The following CTDSPL variants were observed in gnomAD, a reference collection of about 807,000 sequenced individuals.
CTDSPL encodes CTD small phosphatase like.
In CTDSPL, 8 loss-of-function variants were observed where a neutral mutation model predicts 30.5. The observed-to-expected ratio is 0.26, with a 90% CI of 0.15 to 0.47. The LOEUF (loss-of-function observed/expected upper bound fraction) is 0.47, where lower values mean the gene tolerates loss of function less well. Ranked by LOEUF, CTDSPL falls within the 20% of genes least tolerant of loss-of-function variation. The pLI is 0.99. For synonymous variants in CTDSPL, 110 were observed against 137.9 expected, an observed-to-expected ratio of 0.80 and a Z score of 1.42; for missense variants, 248 against 366.1, an observed-to-expected ratio of 0.68 and a Z score of 2.63.
chr3:37,956,528 C>T (rs1244680050), intron 2 of CTDSPL, among the ~76,000 whole-genome samples: 4 of 152,160 alleles, frequency 2.6e-5, no homozygotes, highest in Non-Finnish European at 4.4e-5. Flanking sequence ...CCTAGGTTTT[C>T]TTAACACTCC....
chr3:37,911,628 A>G (rs1250966324), intron 1 of CTDSPL: 1 of 453,268 alleles, frequency 2.2e-6, no homozygotes, highest in Admixed American at 2.4e-5. Context: ...TTTGTTGGAG[A>G]AAAATGTTTG....
intron 3 of CTDSPL, among the ~76,000 whole-genome samples, chr3:37,963,517 CTTTTG>C (rs1699265768): frequency 1.3e-5 from 2 of 152,114 alleles, no homozygotes; most frequent in African/African-American, 4.8e-5. Flanking sequence ...TAGATATTTC[CTTTTG>C]TTTTGTATCA....
Position 37,982,942 on chromosome 3 carries a change from G to T in CTDSPL, c.*2075G>T. On this transcript the variant is annotated 3_prime_UTR_variant, in exon 8 of 8. Transcript: ENST00000273179. ...CCATGCCCCCTTCGTTGGCATCACA[G>T]GGCCTTATTTGGAAGAGCGGGCAAA... 1.0e-5 allele frequency: 2 copies of T among 199,098 alleles called. No homozygotes were observed. The highest frequency in any genetic ancestry group is 1.3e-4 in the East Asian group (1 of 7,416). 12.3% of individuals were successfully genotyped at this position (199,098 alleles called of 1,614,324 possible). A position where few individuals can be genotyped will look rare whatever the true frequency, so the allele number is the denominator to read the frequency against.
intron 1 of CTDSPL, among the ~76,000 whole-genome samples, chr3:37,946,546 A>G (rs941440808): frequency 1.3e-5 from 2 of 152,106 alleles, no homozygotes; most frequent in Non-Finnish European, 2.9e-5. Context: ...TACATATCTC[A>G]TTTCTTAACC....
In CTDSPL at chr3:37,981,755, A is replaced by G. The variant is rs577769078; in HGVS notation, c.*888A>G. Reference sequence around the variant, plus strand: ...GTTATTGTTTGGGTAGAGCAGTTACAAGAAACCCTAAAACCCTTGGATATA... The same window carrying G: ...GTTATTGTTTGGGTAGAGCAGTTACGAGAAACCCTAAAACCCTTGGATATA... On this transcript the variant is annotated 3_prime_UTR_variant, in exon 8 of 8. Coordinates refer to ENST00000273179, the MANE Select transcript of CTDSPL (RefSeq NM_001008392.2). 6.7e-6 allele frequency: 3 copies of G among 449,964 alleles called. No homozygotes were observed. Among genetic ancestry groups the G allele is most frequent in the Admixed American group, 4.8e-5 (2 of 42,100 alleles). 27.9% of individuals were successfully genotyped at this position (449,964 alleles called of 1,614,324 possible).
chr3:37,907,063 A>G (rs1414596474), intron 1 of CTDSPL, among the ~76,000 whole-genome samples: 1 of 152,220 alleles, frequency 6.6e-6, no homozygotes, highest in Non-Finnish European at 1.5e-5. Flanking sequence ...TGTCCCTGCC[A>G]AAAACCCCCA....
At chr3:37,910,996 T>C (rs1283290106) in intron 1 of CTDSPL, among the ~76,000 whole-genome samples, 2 of 152,364 alleles carry the variant, frequency 1.3e-5, no homozygotes, top group Non-Finnish European at 2.9e-5. Context: ...TTTATGACTG[T>C]AAATGGATTT....
intron 1 of CTDSPL, among the ~76,000 whole-genome samples, chr3:37,913,171 T>C (rs1698602843): frequency 1.3e-5 from 2 of 151,926 alleles, no homozygotes; most frequent in East Asian, 3.9e-4. Flanking sequence ...AACGCGTAAA[T>C]TAGCCAGGTG....
chr3:37,944,001 G>C (rs77558910), intron 1 of CTDSPL, among the ~76,000 whole-genome samples: 1 of 150,262 alleles, frequency 6.7e-6, no homozygotes, highest in Admixed American at 6.7e-5. Context: ...CTTCTGCAAG[G>C]CTGAGAACAC....
intron 1 of CTDSPL, among the ~76,000 whole-genome samples, chr3:37,944,169 T>C (rs1559640452): frequency 6.7e-6 from 1 of 150,244 alleles, no homozygotes; most frequent in Non-Finnish European, 1.5e-5. Context: ...ATTAGAGCAA[T>C]ACATAATTAC....
chr3:37,909,006 G>A (rs956320700), intron 1 of CTDSPL, among the ~76,000 whole-genome samples: 1 of 152,028 alleles, frequency 6.6e-6, no homozygotes, highest in Admixed American at 6.6e-5. Flanking sequence ...CAACTATTTT[G>A]TTTTCCCTTT....
chr3:37,885,663 G>T (rs1192893581), intron 1 of CTDSPL, among the ~76,000 whole-genome samples: 2 of 152,126 alleles, frequency 1.3e-5, no homozygotes, highest in Non-Finnish European at 2.9e-5. Flanking sequence ...CAGGAAAAAT[G>T]ATCTGGAAAC....
intron 5 of CTDSPL, among the ~76,000 whole-genome samples, chr3:37,969,867 C>T (rs1303408207): frequency 1.3e-5 from 2 of 152,074 alleles, no homozygotes; most frequent in East Asian, 3.8e-4. Context: ...CTCCTGAGCT[C>T]CTGCTTCTGG....
intron 2 of CTDSPL, among the ~76,000 whole-genome samples, chr3:37,951,405 G>A (rs540995611): frequency 6.6e-6 from 1 of 150,806 alleles, no homozygotes; most frequent in East Asian, 2.0e-4. Context: ...GCTGGGTGCA[G>A]TGACTCATTC....
intron 1 of CTDSPL, among the ~76,000 whole-genome samples, chr3:37,885,924 C>T (rs1175689155): frequency 6.6e-6 from 1 of 152,124 alleles, no homozygotes; most frequent in Non-Finnish European, 1.5e-5. Context: ...AAGCAAACAG[C>T]AAAAACAAGT....
chr3:37,954,618 C>G (rs931283505), intron 2 of CTDSPL: 4 of 152,276 alleles, frequency 2.6e-5, no homozygotes, highest in Non-Finnish European at 5.9e-5. Context: ...GGACAGATGA[C>G]CTCTAGGGTT....
At chr3:37,944,255 A>G (rs1238723263) in intron 1 of CTDSPL, among the ~76,000 whole-genome samples, 2 of 150,582 alleles carry the variant, frequency 1.3e-5, no homozygotes, top group East Asian at 3.9e-4. Flanking sequence ...ACCTTTTGAC[A>G]TATTTCTTGC....
chr3:37,880,153 C>A (rs1322372828), intron 1 of CTDSPL, among the ~76,000 whole-genome samples: 1 of 148,088 alleles, frequency 6.8e-6, no homozygotes, highest in Non-Finnish European at 1.5e-5. Context: ...ATATATATAT[C>A]TTATTTCATC....
At chr3:37,921,643 A>ACACT (rs1491173220) in intron 1 of CTDSPL, among the ~76,000 whole-genome samples, 4 of 143,282 alleles carry the variant, frequency 2.8e-5, no homozygotes, top group Non-Finnish European at 6.2e-5. Flanking sequence ...ACACACACAC[A>ACACT]CTCACACAAA....
Sources: gnomAD v4.1 joint callset for allele counts (sites outside exome capture counted in the v4.1 genomes callset) on GRCh38, gnomAD v4.1.1 for gene constraint, MANE v1.5 for transcripts, NCBI Gene and HGNC (gene_info 2026-07-23, HGNC 2026-07-21) for gene names.